The following YAP1 variants were observed in gnomAD, a reference collection of about 807,000 sequenced individuals.
The protein encoded by YAP1 is Yes1 associated transcriptional regulator, also known as transcriptional coactivator YAP1.
In YAP1, 5 loss-of-function variants were observed where a neutral mutation model predicts 56.9. That is an observed-to-expected ratio of 0.09 (90% CI 0.05 to 0.18). The LOEUF is 0.18. YAP1 is among the 10% of genes least tolerant of loss of function. The probability of loss-of-function intolerance (pLI) is 1.00; values close to 1 mark genes in which losing one functional copy is unlikely to be tolerated. For missense variants in YAP1, 539 were observed against 651.8 expected (o/e 0.83, Z 1.88); for synonymous variants, 265 against 248.1 (o/e 1.07, Z -0.64).
intron 2 of YAP1, among the ~76,000 whole-genome samples, chr11:102,123,522 C>G (rs998891918): frequency 6.6e-6 from 1 of 152,006 alleles, no homozygotes; most frequent in South Asian, 2.1e-4. Context: ...GTGTTGAGAT[C>G]TCTTGTCTCT....
At chr11:102,148,828 C>G (rs897306431) in intron 2 of YAP1, among the ~76,000 whole-genome samples, 1 of 151,970 alleles carries the variant, frequency 6.6e-6, no homozygotes, top group South Asian at 2.1e-4. Context: ...TATATAAAAG[C>G]CAAAAGAACA....
Position 102,111,003 on chromosome 11 carries a change from A to G in YAP1, c.155A>G (p.His52Arg). Residue 52 changes from histidine (H) to arginine (R), a missense_variant, in exon 1 of 9, where the codon CAT becomes CGT. By Grantham distance (29) the His-to-Arg change is conservative (BLOSUM62 0). Around this residue, in one of 4 missense-constraint regions of YAP1, gnomAD observed 106 missense variants for 86.6 expected, o/e 1.22. Coordinates refer to ENST00000282441, the MANE Select transcript of YAP1 (RefSeq NM_001130145.3). ...GCGCCGCAGGCACCCCCCGCCGGGC[A>G]TCAGATCGTGCACGTCCGCGGGGAC... is the stretch of plus-strand genomic sequence containing the variant. ...QAAPQAPPAG[H>R]QIVHVRGDSE... 2 of 1,578,148 alleles carry G rather than the reference A, an allele frequency of 1.3e-6. No individual in the cohort carries two copies. Among genetic ancestry groups the G allele is most frequent in the Non-Finnish European group, 1.7e-6 (2 of 1,164,422 alleles).
intron 3 of YAP1, among the ~76,000 whole-genome samples, chr11:102,182,128 T>G (rs1040722301): frequency 3.3e-5 from 5 of 152,100 alleles, no homozygotes; most frequent in Admixed American, 6.5e-5. Context: ...CCTAAGTGGT[T>G]GTTTTAAATC....
At chr11:102,143,518 GCCAGCACACC>G (rs1351980249) in intron 2 of YAP1, among the ~76,000 whole-genome samples, 2 of 152,172 alleles carry the variant, frequency 1.3e-5, no homozygotes, top group African/African-American at 2.4e-5. Flanking sequence ...ACCAACATTA[GCCAGCACACC>G]CCCCATATCT....
At chr11:102,156,132 T>C (rs1945928436) in intron 2 of YAP1, among the ~76,000 whole-genome samples, 1 of 152,240 alleles carries the variant, frequency 6.6e-6, no homozygotes, top group African/African-American at 2.4e-5. Flanking sequence ...AGTTCACTTC[T>C]TTTTGACATC....
intron 2 of YAP1, among the ~76,000 whole-genome samples, chr11:102,136,845 A>G (rs1046356758): frequency 6.6e-6 from 1 of 152,110 alleles, no homozygotes; most frequent in African/African-American, 2.4e-5. Context: ...CTGTTACTGT[A>G]TTCTGTTTGT....
chr11:102,122,913 A>G (rs968344078), intron 2 of YAP1, among the ~76,000 whole-genome samples: 1 of 150,842 alleles, frequency 6.6e-6, no homozygotes, highest in African/African-American at 2.4e-5. Context: ...AAAAAAAAAA[A>G]AAAGCAAAGA....
chr11:102,216,419 T>C (rs1949671026), intron 6 of YAP1, among the ~76,000 whole-genome samples: 1 of 152,188 alleles, frequency 6.6e-6, no homozygotes, highest in African/African-American at 2.4e-5. Context: ...TTATATAAAT[T>C]CTCCATTATA....
At chr11:102,216,570 T>G (rs966051525) in intron 6 of YAP1, among the ~76,000 whole-genome samples, 14 of 152,330 alleles carry the variant, frequency 9.2e-5, no homozygotes, top group African/African-American at 3.1e-4. Flanking sequence ...GGCATAGCTC[T>G]TTTGTAGACA....
At chr11:102,141,538 A>G (rs1028030211) in intron 2 of YAP1, among the ~76,000 whole-genome samples, 7 of 152,236 alleles carry the variant, frequency 4.6e-5, no homozygotes, top group Admixed American at 1.3e-4. Flanking sequence ...ACTCAGGAAA[A>G]AAAGAGAGAC....
chr11:102,199,322 C>G (rs927907124), intron 4 of YAP1, among the ~76,000 whole-genome samples: 2 of 152,100 alleles, frequency 1.3e-5, no homozygotes, highest in African/African-American at 4.8e-5. Flanking sequence ...TTTTATGATA[C>G]CTGTCAATTA....
Position 102,230,762 on chromosome 11 carries a change from G to C in YAP1, c.*822G>C, listed in dbSNP as rs1437343948. On this transcript the variant is annotated 3_prime_UTR_variant, in exon 9 of 9. Transcript: ENST00000282441. ...GACCATATTAGTGAATCTGTTAATA[G>C]TTGTAGCTTGGGATGGTTATTGTAG... The C allele has an allele frequency of 6.6e-6, 1 of 152,464 alleles. No homozygotes were observed. Among genetic ancestry groups the C allele is most frequent in the Non-Finnish European group, 1.5e-5 (1 of 67,982 alleles). The allele number at this position is 152,464 out of a possible 1,614,324, so 9.4% of individuals were successfully genotyped here.
intron 1 of YAP1, among the ~76,000 whole-genome samples, chr11:102,111,838 C>T (rs1423497484): frequency 2.6e-5 from 4 of 152,068 alleles, no homozygotes; most frequent in African/African-American, 4.8e-5. Flanking sequence ...GTTTCCCCTC[C>T]CCCTCCCGTA....
At chr11:102,211,916 G>A (rs746366596) in intron 6 of YAP1, among the ~76,000 whole-genome samples, 1 of 152,082 alleles carries the variant, frequency 6.6e-6, no homozygotes, top group African/African-American at 2.4e-5. Context: ...TGTTATCCAG[G>A]ATGGTCTCCA....
intron 2 of YAP1, among the ~76,000 whole-genome samples, chr11:102,125,592 T>A (rs532046605): frequency 2.6e-5 from 4 of 152,050 alleles, no homozygotes; most frequent in African/African-American, 9.6e-5. Flanking sequence ...TTACCCAGGC[T>A]GGTCTTGAAC....
chr11:102,145,508 AACC>A (rs1945275697), intron 2 of YAP1, among the ~76,000 whole-genome samples: 2 of 152,204 alleles, frequency 1.3e-5, no homozygotes, highest in Non-Finnish European at 2.9e-5. Context: ...TGTTAAATGT[AACC>A]AATTTGATAA....
intron 2 of YAP1, among the ~76,000 whole-genome samples, chr11:102,149,714 G>A (rs971102487): frequency 3.3e-5 from 5 of 152,098 alleles, no homozygotes; most frequent in African/African-American, 9.7e-5. Flanking sequence ...GGAAAGGAAC[G>A]ATGAATACCT....
rs1950475007 is a variant in YAP1 at position 102,232,793 on chromosome 11, T to C, written c.*2853T>C. 1 of 152,638 alleles carries C rather than the reference T, an allele frequency of 6.6e-6. No individual in the cohort carries two copies. Among genetic ancestry groups the C allele is most frequent in the South Asian group, 2.1e-4 (1 of 4,836 alleles). The allele number at this position is 152,638 out of a possible 1,614,324, so 9.5% of individuals were successfully genotyped here. On this transcript the variant is annotated 3_prime_UTR_variant, in exon 9 of 9. Transcript: ENST00000282441. ...TTCAGTCAGGGCTTCTTAGATCTAC[T>C]TATGGTTGATGGAGCACATTGATTT...
At chr11:102,170,434 G>C (rs1324876134) in intron 3 of YAP1, among the ~76,000 whole-genome samples, 1 of 152,098 alleles carries the variant, frequency 6.6e-6, no homozygotes, top group African/African-American at 2.4e-5. Flanking sequence ...GAGGAGTACT[G>C]TGTTTTGTAT....
Sources: allele counts gnomAD v4.1 joint callset (sites outside exome capture counted in the v4.1 genomes callset), GRCh38; gene constraint gnomAD v4.1.1; regional missense constraint gnomAD v4.1.1; transcripts MANE v1.5; gene names NCBI Gene and HGNC (gene_info 2026-07-23, HGNC 2026-07-21).